Variants in PCDHGA1 observed in about 807,000 individuals in gnomAD.
The protein encoded by PCDHGA1 is protocadherin gamma subfamily A, 1, also known as protocadherin gamma-A1.
A neutral mutation model predicts 58.0 loss-of-function variants in PCDHGA1; 32 were observed. The ratio of observed to expected loss-of-function variants is 0.55; its 90% CI spans 0.42 to 0.74. PCDHGA1 has a LOEUF of 0.74. PCDHGA1 is among the 30% of genes least tolerant of loss of function. The pLI, the probability that PCDHGA1 is intolerant of heterozygous loss-of-function variation, is 0.00. For synonymous variants in PCDHGA1, 498 were observed against 501.1 expected, an observed-to-expected ratio of 0.99 and a Z score of 0.08; for missense variants, 1,205 against 1,182.3, an observed-to-expected ratio of 1.02 and a Z score of -0.28.
At chr5:141,422,716 G>A (rs1348237465) in intron 1 of PCDHGA1, 1 of 1,604,378 alleles carries the variant, frequency 6.2e-7, no homozygotes, top group Non-Finnish European at 8.5e-7. Flanking sequence ...GGATGACACT[G>A]TCCAGGGGGT....
At chr5:141,380,632 T>C (rs546554559) in intron 1 of PCDHGA1, among the ~76,000 whole-genome samples, 5 of 152,324 alleles carry the variant, frequency 3.3e-5, no homozygotes, top group Non-Finnish European at 7.3e-5. Flanking sequence ...ACTTAGAAAA[T>C]GTGAATGCTA....
rs2099389707 is a variant in PCDHGA1, at chr5:141,476,358, G to A, written c.2422-18449G>A. On this transcript the variant is annotated intron_variant, in intron 1 of 3. Transcript: ENST00000517417. This position sits in a 1 kb window ranked among gnomAD's most constrained non-coding sequence, Gnocchi z 7.6. ...AGCCGAAGATTCTTTGAGGTGAACC[G>A]GGAGACCGGAGAGATGTTTGTGAAC... 6.2e-7 allele frequency: 1 copy of A among 1,614,134 alleles called. No individual in the cohort carries two copies. The highest frequency in any genetic ancestry group is 8.5e-7 in the Non-Finnish European group (1 of 1,180,022).
In PCDHGA1 at chr5:141,432,867, T is replaced by C; in HGVS notation, c.2422-61940T>C. ...GTAGCGGTGGCCGCGGTCTCCTGCG[T>C]CTTCCTGGCCTTCGTCATCTTGCTG... On this transcript the variant is annotated intron_variant, in intron 1 of 3. Coordinates refer to ENST00000517417, the MANE Select transcript of PCDHGA1 (RefSeq NM_018912.3). The surrounding 1 kb of genome is among the most constrained non-coding windows in gnomAD (Gnocchi z 6.0). 2 of 1,614,182 alleles carry C rather than the reference T, an allele frequency of 1.2e-6. No individual in the cohort carries two copies. The highest frequency in any genetic ancestry group is 1.7e-6 in the Non-Finnish European group (2 of 1,180,010).
chr5:141,403,661 G>C (rs2094439419), intron 1 of PCDHGA1: 1 of 1,613,904 alleles, frequency 6.2e-7, no homozygotes, highest in Non-Finnish European at 8.5e-7. Context: ...GGATACAAAT[G>C]ATAATGCCCC....
chr5:141,344,537 G>T, intron 1 of PCDHGA1: 2 of 1,614,024 alleles, frequency 1.2e-6, no homozygotes, highest in Non-Finnish European at 1.7e-6. Flanking sequence ...ACTCCCTGCA[G>T]AACTACAAGC....
In PCDHGA1 at chr5:141,432,827, A is replaced by G. The variant is rs758445645; in HGVS notation, c.2422-61980A>G. ...AGCTAACTCTGAAACCTCAGACCTC[A>G]CTCTGTACCTGGTGGTAGCGGTGGC... On this transcript the variant is annotated intron_variant, in intron 1 of 3. Transcript: ENST00000517417. The surrounding 1 kb of genome is among the most constrained non-coding windows in gnomAD (Gnocchi z 6.0). 9 of 1,613,142 alleles carry G rather than the reference A, an allele frequency of 5.6e-6. No individual in the cohort carries two copies. Among genetic ancestry groups the G allele is most frequent in the Admixed American group, 1.7e-5 (1 of 59,958 alleles).
chr5:141,431,071 A>G lies in PCDHGA1; in HGVS notation c.2422-63736A>G. The G allele has an allele frequency of 6.2e-7, 1 of 1,614,244 alleles. No homozygotes were observed. On this transcript the variant is annotated intron_variant, in intron 1 of 3. Coordinates refer to ENST00000517417, the MANE Select transcript of PCDHGA1 (RefSeq NM_018912.3). The surrounding 1 kb of genome is among the most constrained non-coding windows in gnomAD (Gnocchi z 4.8). ...GTATGGGGGCCATCAAGTGTCAATTAAATCTAGACATTCTGATGGAGGATA... is the reference window on the plus strand; with the variant it reads ...GTATGGGGGCCATCAAGTGTCAATTGAATCTAGACATTCTGATGGAGGATA...
chr5:141,405,522 C>T (rs542329840), intron 1 of PCDHGA1: 28 of 682,252 alleles, frequency 4.1e-5, no homozygotes, highest in Admixed American at 8.3e-5. Flanking sequence ...CAAATTCAAG[C>T]GATTCTCCTG....
Position 141,432,694 on chromosome 5 carries a change from C to A in PCDHGA1, c.2422-62113C>A. 1 of 1,613,936 alleles carries A rather than the reference C, an allele frequency of 6.2e-7. No homozygotes were observed. The highest frequency in any genetic ancestry group is 8.5e-7 in the Non-Finnish European group (1 of 1,179,964). On this transcript the variant is annotated intron_variant, in intron 1 of 3. Transcript: ENST00000517417. This position sits in a 1 kb window ranked among gnomAD's most constrained non-coding sequence, Gnocchi z 6.0. Reference sequence around the variant, plus strand: ...CGCTCAAGCAGAGCCTCGTAGTGGCCGTCCAGGACCACGGCCAGCCCCCTC... The same window carrying A: ...CGCTCAAGCAGAGCCTCGTAGTGGCAGTCCAGGACCACGGCCAGCCCCCTC...
At chr5:141,357,042 G>A (rs961651879) in intron 1 of PCDHGA1, 5 of 1,613,996 alleles carry the variant, frequency 3.1e-6, no homozygotes, top group Admixed American at 3.3e-5. Flanking sequence ...CCAGCGAGCC[G>A]GGACTATTTG....
intron 1 of PCDHGA1, chr5:141,345,701 C>T (rs745711073): frequency 9.9e-6 from 16 of 1,614,102 alleles, no homozygotes; most frequent in East Asian, 4.5e-5. Context: ...TGGACCAGAA[C>T]GACAACGCGC....
At chr5:141,401,815 C>A (rs1217081146) in intron 1 of PCDHGA1, among the ~76,000 whole-genome samples, 1 of 152,184 alleles carries the variant, frequency 6.6e-6, no homozygotes, top group Non-Finnish European at 1.5e-5. Context: ...GGGTTCCTTA[C>A]AAAGTGCTGA....
intron 1 of PCDHGA1, chr5:141,383,745 G>A: frequency 6.2e-7 from 1 of 1,613,954 alleles, no homozygotes; most frequent in Non-Finnish European, 8.5e-7. Context: ...ATTCTTTTCG[G>A]AAAATAACTC....
intron 1 of PCDHGA1, among the ~76,000 whole-genome samples, chr5:141,488,417 C>T (rs2099675171): frequency 6.6e-6 from 1 of 152,224 alleles, no homozygotes; most frequent in Non-Finnish European, 1.5e-5. Context: ...GCCAAGCCAT[C>T]CATGCTTGGC....
intron 1 of PCDHGA1, chr5:141,389,276 G>A (rs375882135): frequency 8.7e-6 from 14 of 1,613,858 alleles, no homozygotes; most frequent in Admixed American, 1.7e-5. Flanking sequence ...AGAACAACCC[G>A]CCTGGAGCCT....
intron 2 of PCDHGA1, among the ~76,000 whole-genome samples, chr5:141,501,290 TACACACACACACACACACACAC>T (rs55762287): frequency 1.4e-4 from 19 of 136,248 alleles, no homozygotes; most frequent in Admixed American, 1.1e-3. Context: ...TATTCCCTTA[TACACACACACACACACACACAC>T]ACACACACAC....
chr5:141,351,336 G>C, intron 1 of PCDHGA1: 1 of 1,613,598 alleles, frequency 6.2e-7, no homozygotes, highest in Non-Finnish European at 8.5e-7. Context: ...TCAGACCTTG[G>C]AACTGTAATA....
At chr5:141,509,216 T>C (rs2099875781) in intron 3 of PCDHGA1, among the ~76,000 whole-genome samples, 1 of 152,124 alleles carries the variant, frequency 6.6e-6, no homozygotes, top group South Asian at 2.1e-4. Flanking sequence ...TATTTCTCAA[T>C]CCCTGGTTGA....
At chr5:141,411,423 CA>C (rs200531177) in intron 1 of PCDHGA1, 3 of 147,666 alleles carry the variant, frequency 2.0e-5, no homozygotes, top group Admixed American at 6.8e-5. Context: ...ACAACAACAA[CA>C]AAAAAAAACA....
Sources: allele counts gnomAD v4.1 joint callset (sites outside exome capture counted in the v4.1 genomes callset), GRCh38; gene constraint gnomAD v4.1.1; non-coding constraint Gnocchi (gnomAD v3.1); transcripts MANE v1.5; gene names NCBI Gene and HGNC (gene_info 2026-07-23, HGNC 2026-07-21).